Variants in TTN observed in about 807,000 individuals in gnomAD.
TTN encodes the protein connectin.
Under a neutral mutation model 3,223.0 loss-of-function variants are expected in TTN, and 1,525 were observed. The observed-to-expected ratio is 0.47, with a 90% CI of 0.45 to 0.49. The LOEUF (loss-of-function observed/expected upper bound fraction) is 0.49. TTN is among the 20% of genes least tolerant of loss of function. The pLI, the probability that TTN is intolerant of heterozygous loss-of-function variation, is 0.00. For synonymous variants in TTN, 14,094 were observed against 15,161.0 expected (o/e 0.93, Z 5.17); for missense variants, 40,786 against 43,424.0 (o/e 0.94, Z 5.40).
intron 135 of TTN, among the ~76,000 whole-genome samples, chr2:178,682,162 A>G (rs909091977): frequency 6.6e-6 from 1 of 152,026 alleles, no homozygotes; most frequent in African/African-American, 2.4e-5. Context: ...AGCCCAAACT[A>G]TATGCCAACA....
At chr2:178,651,099 A>G in intron 208 of TTN, 144 bp downstream of exon 208, 1 of 719,368 alleles carries the variant, frequency 1.4e-6, no homozygotes, top group Non-Finnish European at 2.3e-6. Context: ...AAAAATTATT[A>G]AAAAGTATTC....
At chr2:178,748,949 T>C (rs1384745009) in intron 47 of TTN, 2 of 1,612,626 alleles carry the variant, frequency 1.2e-6, no homozygotes, top group Non-Finnish European at 1.7e-6. Context: ...TTGAGGAGGA[T>C]TAACAATTGA....
intron 47 of TTN, chr2:178,749,493 A>G: frequency 6.2e-7 from 1 of 1,612,854 alleles, no homozygotes; most frequent in Non-Finnish European, 8.5e-7. Context: ...CTTACTGAAT[A>G]TTCTTTTACA....
Position 178,764,188 on chromosome 2 carries a change from A to G in TTN, c.10103T>C (p.Val3368Ala), listed in dbSNP as rs149309988. ...GTTCTTAAACCTACCTGTTCCAGAAACCCGGCATTGAAAACGGGCTGGCTG... is the reference window on the plus strand; with the variant it reads ...GTTCTTAAACCTACCTGTTCCAGAAGCCCGGCATTGAAAACGGGCTGGCTG... ...EGQPARFQCR[V>A]SGTDLKVSWY... Residue 3368 changes from valine to alanine, a missense_variant, in exon 43 of 363, where the codon GTT becomes GCT. Coordinates refer to ENST00000589042, the MANE Select transcript of TTN (RefSeq NM_001267550.2). The G allele has an allele frequency of 1.2e-6, 2 of 1,614,114 alleles. No individual in the cohort carries two copies. The highest frequency in any genetic ancestry group is 2.7e-5 in the African/African-American group (2 of 75,042).
rs760499831 is a variant in TTN, at chr2:178,554,108, T to A, written c.89003A>T (p.Tyr29668Phe). 2.5e-6 allele frequency: 4 copies of A among 1,613,760 alleles called. No individual in the cohort carries two copies. In the African/African-American group the frequency reaches 5.3e-5, roughly 22 times the overall value. Reference sequence around the variant, plus strand: ...CTTCTTGTCTCGTTTTTCAAGGAAATAGCCACTTATATCACTACCGCCATC... The same window carrying A: ...CTTCTTGTCTCGTTTTTCAAGGAAAAAGCCACTTATATCACTACCGCCATC... ...IADGGSDISG[Y>F]FLEKRDKKSL... The change falls in exon 333 of 363, where the codon TAT (tyrosine) becomes TTT (phenylalanine). Residue 29668 changes from tyrosine (Y) to phenylalanine (F), a missense_variant. Tyr to Phe is a conservative substitution (Grantham distance 22). Coordinates refer to ENST00000589042, the MANE Select transcript of TTN (RefSeq NM_001267550.2).
Position 178,535,556 on chromosome 2 carries a change from C to T in TTN, c.101059G>A (p.Ala33687Thr). The T allele has an allele frequency of 6.2e-7, 1 of 1,613,854 alleles. No homozygotes were observed. The highest frequency in any genetic ancestry group is 8.5e-7 in the Non-Finnish European group (1 of 1,179,808). The change falls in exon 358 of 363, where the codon GCT (alanine) becomes ACT (threonine). Residue 33687 changes from alanine (A) to threonine (T), a missense_variant. Ala to Thr is a moderately conservative substitution (Grantham distance 58, BLOSUM62 0). Coordinates refer to ENST00000589042, the MANE Select transcript of TTN (RefSeq NM_001267550.2). ...IDQKTVELDV[A>T]DVPDPPRGVK... Reference sequence around the variant, plus strand: ...CCTCTGGGTGGGTCAGGAACATCAGCCACATCCAGTTCAACTGTCTTCTGA... The same window carrying T: ...CCTCTGGGTGGGTCAGGAACATCAGTCACATCCAGTTCAACTGTCTTCTGA...
rs1468153256 is a variant in TTN at position 178,794,752 on chromosome 2, A to G, written c.1245+170T>C. Among the ~76,000 whole-genome samples, 8 of 152,240 alleles carry G rather than the reference A, an allele frequency of 5.3e-5. No homozygotes were observed. In the East Asian group the frequency reaches 1.5e-3, roughly 29 times the overall value. ...ACAGATTGGAGCTTTTGTCCTAATTAAAAATGGTTTTACAAAGCATGACTA... is the reference window on the plus strand; with the variant it reads ...ACAGATTGGAGCTTTTGTCCTAATTGAAAATGGTTTTACAAAGCATGACTA... On this transcript the variant is annotated intron_variant, in intron 7 of 362. Coordinates refer to ENST00000589042, the MANE Select transcript of TTN (RefSeq NM_001267550.2).
chr2:178,679,861 G>A, intron 140 of TTN, 33 bp downstream of exon 140: 1 of 1,607,454 alleles, frequency 6.2e-7, no homozygotes, highest in Non-Finnish European at 8.5e-7. Context: ...CAAAGATGCT[G>A]TTGCACAGCC....
Position 178,570,164 on chromosome 2 carries a change from A to G in TTN, c.75968T>C (p.Val25323Ala), listed in dbSNP as rs781058398. The change falls in exon 326 of 363, where the codon GTT (valine) becomes GCT (alanine). Residue 25323 changes from valine (V) to alanine (A), a missense_variant. Transcript: ENST00000589042. ...ATCAGATGCTGGTCTTTCCCATACA[A>G]CAATCATTGAGTCCTTGGTCACTGT... ...VTTVTKDSMIVVWERPASDGG... is the reference protein window; with the variant it reads ...VTTVTKDSMIAVWERPASDGG... 4 of 1,613,328 alleles carry G rather than the reference A, an allele frequency of 2.5e-6. No individual in the cohort carries two copies. The Admixed American group carries it at 5.0e-5, about 20-fold the overall frequency.
chr2:178,585,597 C>T (rs1398840767), intron 308 of TTN, among the ~76,000 whole-genome samples: 1 of 151,984 alleles, frequency 6.6e-6, no homozygotes, highest in African/African-American at 2.4e-5. Flanking sequence ...CCCCTAGCCT[C>T]CCAACCCCTG....
chr2:178,756,263 C>A lies in TTN; in HGVS notation c.11213G>T (p.Cys3738Phe), dbSNP rs1216398376. 3 of 1,613,584 alleles carry A rather than the reference C, an allele frequency of 1.9e-6. No individual in the cohort carries two copies. The highest frequency in any genetic ancestry group is 2.2e-5 in the East Asian group (1 of 44,876). ...GLYSCIVHND[C>F]GERTTSAVLS... is the part of the protein sequence containing the mutation. Reference sequence around the variant, plus strand: ...TACTGCTGACGTTGTCCTCTCTCCACAGTCATTGTGTACAATGCAGCTGTA... The same window carrying A: ...TACTGCTGACGTTGTCCTCTCTCCAAAGTCATTGTGTACAATGCAGCTGTA... Residue 3738 changes from cysteine (C) to phenylalanine (F), a missense_variant, in exon 46 of 363, where the codon TGT becomes TTT. Cys to Phe is a radical substitution (Grantham distance 205). Coordinates refer to ENST00000589042, the MANE Select transcript of TTN (RefSeq NM_001267550.2).
In TTN at chr2:178,777,937, C is replaced by G. The variant is rs750278602; in HGVS notation, c.4247G>C (p.Arg1416Pro). The G allele has an allele frequency of 3.7e-6, 6 of 1,613,822 alleles. No homozygotes were observed. The highest frequency in any genetic ancestry group is 5.1e-6 in the Non-Finnish European group (6 of 1,179,920). The change falls in exon 25 of 363, where the codon CGC (arginine) becomes CCC (proline). Residue 1416 changes from arginine (R) to proline (P), a missense_variant. By Grantham distance (103) the Arg-to-Pro change is moderately radical. Coordinates refer to ENST00000589042, the MANE Select transcript of TTN (RefSeq NM_001267550.2). ...AGGTGACATCCGTGCAGGAGACATGCGTATAGGAGACCTGCTCACTGAACG... is the reference window on the plus strand; with the variant it reads ...AGGTGACATCCGTGCAGGAGACATGGGTATAGGAGACCTGCTCACTGAACG... ...SPRSVSRSPI[R>P]MSPARMSPAR...
chr2:178,637,458 G>A (rs542052405), intron 223 of TTN, 39 bp from the exon 224 acceptor site: 35 of 1,344,250 alleles, frequency 2.6e-5, no homozygotes, highest in African/African-American at 1.1e-4. Context: ...AACACTTTTC[G>A]GACTTATTTC....
Position 178,601,738 on chromosome 2 carries a change from C to A in TTN, c.55352G>T (p.Arg18451Leu). 1 of 1,609,220 alleles carries A rather than the reference C, an allele frequency of 6.2e-7. No individual in the cohort carries two copies. Among genetic ancestry groups the A allele is most frequent in the Non-Finnish European group, 8.5e-7 (1 of 1,178,416 alleles). Residue 18451 changes from arginine to leucine, a missense_variant, in exon 286 of 363, where the codon CGA becomes CTA. Arg to Leu is a moderately radical substitution (Grantham distance 102). Transcript: ENST00000589042. ...SSVIIIPECK[R>L]SHTGKYSITA... ...GATGCTGTATTTGCCTGTATGAGAT[C>A]GTTTACACTCCGGAATAATAATTAC...
intron 9 of TTN, among the ~76,000 whole-genome samples, chr2:178,792,820 A>C (rs2093580431): frequency 6.6e-6 from 1 of 152,148 alleles, no homozygotes; most frequent in Non-Finnish European, 1.5e-5. Context: ...CATCTTCTCA[A>C]ACCACCCAAC....
intron 44 of TTN, among the ~76,000 whole-genome samples, chr2:178,758,242 A>C (rs951612787): frequency 1.2e-4 from 19 of 152,174 alleles, no homozygotes; most frequent in African/African-American, 4.6e-4. Context: ...AACCACTTTA[A>C]ATTCATTATT....
rs761148844 is a variant in TTN at position 178,612,067 on chromosome 2, G to C, written c.50344C>G (p.Pro16782Ala). Reference protein sequence around the residue: ...WEPPKNDGGRPIQRYVIEKKE... With the variant: ...WEPPKNDGGRAIQRYVIEKKE... ...TAATTCAAATTCTACCTCTGTATTG[G>C]TCTTCCACCATCATTTTTAGGTGGC... The change falls in exon 267 of 363, where the codon CCA becomes GCA. Residue 16782 changes from proline (P) to alanine (A), a missense_variant. Transcript: ENST00000589042. 5.6e-6 allele frequency: 9 copies of C among 1,610,530 alleles called. No homozygotes were observed. Among genetic ancestry groups the C allele is most frequent in the Non-Finnish European group, 6.8e-6 (8 of 1,178,442 alleles).
Position 178,584,439 on chromosome 2 carries a change from C to T in TTN, c.65112G>A (p.Leu21704=), listed in dbSNP as rs2048484335. The change falls in exon 311 of 363, where the codon TTG becomes TTA. Residue 21704 remains leucine (L), a synonymous_variant. Transcript: ENST00000589042. The stretch of plus-strand genomic sequence containing the variant: ...GAGTATCATTGGCTTTCACCCACAG[C>T]AAACTGTTTCTTTCCTTGCGTTCAA... ...YLIERKERNS[L]LWVKANDTLV... The T allele has an allele frequency of 4.3e-6, 7 of 1,613,334 alleles. No homozygotes were observed. Among genetic ancestry groups the T allele is most frequent in the Non-Finnish European group, 5.1e-6 (6 of 1,179,530 alleles).
At position 178,567,964 on chromosome 2, in the gene TTN, T is replaced by C. The variant is rs1706564666; in HGVS notation, c.78168A>G (p.Glu26056=). Residue 26056 remains glutamate (E), a synonymous_variant, in exon 326 of 363, where the codon GAA becomes GAG. Coordinates refer to ENST00000589042, the MANE Select transcript of TTN (RefSeq NM_001267550.2). ...CTCTGAATTCATATTCAATGCCTTC[T>C]TCAAGATTCTGTGCTTTGAATTGGG... ...HDTQFKAQNL[E]EGIEYEFRVY... 2 of 1,613,444 alleles carry C rather than the reference T, an allele frequency of 1.2e-6. No individual in the cohort carries two copies. The highest frequency in any genetic ancestry group is 1.1e-5 in the South Asian group (1 of 91,076).
Sources: gnomAD v4.1 joint callset for allele counts (sites outside exome capture counted in the v4.1 genomes callset) on GRCh38, gnomAD v4.1.1 for gene constraint, MANE v1.5 for transcripts, NCBI Gene and HGNC (gene_info 2026-07-23, HGNC 2026-07-21) for gene names.